CD109: variants seen among roughly 807,000 people sequenced by gnomAD.
CD109 encodes the protein CD109 antigen.
CD109 carries 149 observed loss-of-function variants against 165.8 expected under a neutral mutation model. The observed-to-expected ratio is 0.90, with a 90% CI of 0.79 to 1.03. CD109 has a LOEUF of 1.03. Ranked by LOEUF, CD109 falls within the 50% of genes least tolerant of loss-of-function variation. The pLI is 0.00. For missense variants in CD109, 1,712 were observed against 1,677.8 expected (o/e 1.02, Z -0.36); for synonymous variants, 585 against 592.1 (o/e 0.99, Z 0.18).
intron 15 of CD109, among the ~76,000 whole-genome samples, chr6:73,779,450 A>G (rs112900392): frequency 0.011 from 1,602 of 151,948 alleles, 33 homozygotes; most frequent in African/African-American, 0.036. Context: ...GGGTTTCACT[A>G]TGTTGGCCAG....
In CD109 at chr6:73,827,327, T is replaced by C; in HGVS notation, c.*3694T>C. Reference sequence around the variant, plus strand: ...TATAGTAAGTGGACTCATTCATAGATGAGTTTCAGAACCTTTTACGTTCTC... The same window carrying C: ...TATAGTAAGTGGACTCATTCATAGACGAGTTTCAGAACCTTTTACGTTCTC... On this transcript the variant is annotated 3_prime_UTR_variant, in exon 33 of 33. Coordinates refer to ENST00000287097, the MANE Select transcript of CD109 (RefSeq NM_133493.5). The C allele has an allele frequency of 6.6e-6, 1 of 152,196 alleles. No homozygotes were observed. The highest frequency in any genetic ancestry group is 1.9e-4 in the East Asian group (1 of 5,180). The allele number at this position is 152,196 out of a possible 1,614,324, so 9.4% of individuals were successfully genotyped here.
upstream of CD109, chr6:73,694,474 CA>C (rs1215574642): frequency 2.0e-5 from 3 of 152,198 alleles, no homozygotes; most frequent in Admixed American, 6.5e-5. Flanking sequence ...GCAACATTAT[CA>C]TCTAATCTTT....
chr6:73,799,256 T>C (rs757015222), intron 23 of CD109, among the ~76,000 whole-genome samples: 1 of 152,226 alleles, frequency 6.6e-6, no homozygotes, highest in Non-Finnish European at 1.5e-5. Flanking sequence ...TCATTTAATT[T>C]TTTCCACTTT....
chr6:73,820,148 T>G (rs564383162), intron 31 of CD109, among the ~76,000 whole-genome samples: 1 of 152,136 alleles, frequency 6.6e-6, no homozygotes, highest in Non-Finnish European at 1.5e-5. Context: ...TAGTAGTAAC[T>G]GGGGGTGGGG....
At chr6:73,774,144 C>T (rs961583115) in intron 15 of CD109, among the ~76,000 whole-genome samples, 1 of 151,894 alleles carries the variant, frequency 6.6e-6, no homozygotes, top group Admixed American at 6.6e-5. Context: ...ATTTGCTATG[C>T]GTATTTTAAA....
chr6:73,741,445 A>T (rs539470985), intron 5 of CD109, among the ~76,000 whole-genome samples: 24 of 152,336 alleles, frequency 1.6e-4, no homozygotes, highest in Middle Eastern at 3.4e-3. Context: ...TGTGTTTTAT[A>T]GGGCCGTTAT....
At chr6:73,779,661 C>T (rs9343078) in intron 15 of CD109, among the ~76,000 whole-genome samples, 91,206 of 151,814 alleles carry the variant, frequency 0.6, 28,300 homozygotes, top group East Asian at 0.85. Flanking sequence ...TTTTTGGCTA[C>T]TGTAACTATT....
chr6:73,687,073 G>T, the CD109 span, among the ~76,000 whole-genome samples: 1 of 152,184 alleles, frequency 6.6e-6, no homozygotes, highest in African/African-American at 2.4e-5. Flanking sequence ...CATCATCACA[G>T]AAAGTTCTAT....
At chr6:73,712,483 T>C (rs867199440) in intron 2 of CD109, among the ~76,000 whole-genome samples, 18 of 152,206 alleles carry the variant, frequency 1.2e-4, no homozygotes, top group Non-Finnish European at 2.9e-5. Context: ...ACTTTTTTTT[T>C]CATAGAGAGT....
the CD109 span, among the ~76,000 whole-genome samples, chr6:73,679,578 T>C: frequency 1.3e-5 from 2 of 151,638 alleles, no homozygotes; most frequent in Non-Finnish European, 2.9e-5. Flanking sequence ...GAGAAAAAAA[T>C]AGAGAAAACA....
chr6:73,695,174 G>GT (rs1420646326), upstream of CD109: 1 of 152,356 alleles, frequency 6.6e-6, no homozygotes, highest in African/African-American at 2.4e-5. Flanking sequence ...GAATTAGAAA[G>GT]TTTAAGTTGT....
At chr6:73,816,404 A>G (rs2917860) in intron 30 of CD109, among the ~76,000 whole-genome samples, 84,714 of 151,412 alleles carry the variant, frequency 0.56, 24,016 homozygotes, top group African/African-American at 0.66. Flanking sequence ...ACACTTTTAC[A>G]TGCATATCAT....
At chr6:73,679,241 G>T in the CD109 span, among the ~76,000 whole-genome samples, 2 of 152,124 alleles carry the variant, frequency 1.3e-5, no homozygotes, top group African/African-American at 4.8e-5. Context: ...GCAGGCTCAG[G>T]GTGAGTCTTG....
At chr6:73,694,331 T>C (rs1457624987), upstream of CD109, 2 of 152,214 alleles carry the variant, frequency 1.3e-5, no homozygotes. Flanking sequence ...ATGCCTAAAT[T>C]TTTGCATGAC....
At chr6:73,776,132 A>G (rs557029521) in intron 15 of CD109, among the ~76,000 whole-genome samples, 1 of 152,306 alleles carries the variant, frequency 6.6e-6, no homozygotes, top group Admixed American at 6.5e-5. Flanking sequence ...TAACACTCCT[A>G]CCGACAGTGT....
chr6:73,813,584 G>T (rs2150304077), intron 29 of CD109, among the ~76,000 whole-genome samples: 2 of 152,168 alleles, frequency 1.3e-5, no homozygotes, highest in South Asian at 4.1e-4. Context: ...CTCAGAAATG[G>T]GTATTGAGAT....
At chr6:73,763,031 T>A (rs2150224791) in intron 9 of CD109, 149 bp downstream of exon 9, 1 of 713,202 alleles carries the variant, frequency 1.4e-6, no homozygotes, top group East Asian at 2.9e-5. Flanking sequence ...TTAGTCTAAG[T>A]TGCAGGATGA....
At chr6:73,709,375 C>T (rs1582041014) in intron 2 of CD109, among the ~76,000 whole-genome samples, 1 of 152,154 alleles carries the variant, frequency 6.6e-6, no homozygotes, top group Non-Finnish European at 1.5e-5. Context: ...TGTTTTGGTA[C>T]CAGTACCATG....
intron 2 of CD109, among the ~76,000 whole-genome samples, chr6:73,722,036 A>G (rs1446731943): frequency 1.3e-5 from 2 of 152,208 alleles, no homozygotes; most frequent in African/African-American, 4.8e-5. Context: ...GTGCCTGGCT[A>G]TAAAGTTTTT....
Sources: gnomAD v4.1 joint callset for allele counts (sites outside exome capture counted in the v4.1 genomes callset) on GRCh38, gnomAD v4.1.1 for gene constraint, MANE v1.5 for transcripts, NCBI Gene and HGNC (gene_info 2026-07-23, HGNC 2026-07-21) for gene names.